ZDHHC7: variants seen among roughly 807,000 people sequenced by gnomAD.
ZDHHC7 encodes the protein palmitoyltransferase ZDHHC7.
A neutral mutation model predicts 34.1 loss-of-function variants in ZDHHC7; 12 were observed. The observed-to-expected ratio is 0.35, with a 90% CI of 0.23 to 0.57. ZDHHC7 has a LOEUF of 0.57. ZDHHC7 is among the 20% of genes least tolerant of loss of function. The pLI, the probability that ZDHHC7 is intolerant of heterozygous loss-of-function variation, is 0.84. For synonymous variants in ZDHHC7, 185 were observed against 155.4 expected (o/e 1.19, Z -1.42); for missense variants, 388 against 402.7 (o/e 0.96, Z 0.31).
intron 3 of ZDHHC7, 44 bp from the exon 4 acceptor site, chr16:84,982,038 T>A (rs1409659385): frequency 6.2e-7 from 1 of 1,611,532 alleles, no homozygotes; most frequent in Non-Finnish European, 8.5e-7. Context: ...AGAATGAAAG[T>A]TAAAAACATC....
intron 1 of ZDHHC7, among the ~76,000 whole-genome samples, chr16:85,008,909 G>A (rs1379697058): frequency 6.6e-6 from 1 of 151,806 alleles, no homozygotes; most frequent in Non-Finnish European, 1.5e-5. Flanking sequence ...GCCAGCCACG[G>A]TGGCTCAGGC....
At chr16:85,018,887 C>T in the ZDHHC7 span, among the ~76,000 whole-genome samples, 4 of 152,134 alleles carry the variant, frequency 2.6e-5, no homozygotes. Flanking sequence ...GTGTTGAGTT[C>T]AACAGCCATG....
chr16:85,010,851 G>T lies in ZDHHC7; in HGVS notation c.-104+435C>A, dbSNP rs368078206. ...AGGAAGATGGGCAGAGAATAAAAGA[G>T]AAAAGTTTACAGCTTAAGAGGAAGA... On this transcript the variant is annotated intron_variant, in intron 1 of 7. Transcript: ENST00000313732. Among the ~76,000 whole-genome samples the T allele has an allele frequency of 1.7e-3, 262 of 152,350 alleles. 2 individuals are homozygous for T. The highest frequency in any genetic ancestry group is 6.0e-3 in the African/African-American group (251 of 41,582).
intron 3 of ZDHHC7, chr16:84,988,882 C>T: frequency 1.9e-6 from 3 of 1,551,530 alleles, no homozygotes; most frequent in Non-Finnish European, 2.6e-6. Context: ...TCCTACAAGG[C>T]AATATTCCAG....
chr16:84,997,965 G>C (rs1412388209), intron 1 of ZDHHC7, among the ~76,000 whole-genome samples: 1 of 148,556 alleles, frequency 6.7e-6, no homozygotes, highest in Non-Finnish European at 1.5e-5. Context: ...AGAAAACACT[G>C]AGAAGAGAAT....
intron 1 of ZDHHC7, among the ~76,000 whole-genome samples, chr16:85,000,596 CG>C (rs1365027446): frequency 6.6e-6 from 1 of 152,168 alleles, no homozygotes; most frequent in Non-Finnish European, 1.5e-5. Context: ...TTAAACTTGT[CG>C]TTGCTTTACT....
intron 1 of ZDHHC7, among the ~76,000 whole-genome samples, chr16:85,010,592 CAAGG>C (rs746330564): frequency 3.3e-5 from 5 of 152,222 alleles, no homozygotes; most frequent in Non-Finnish European, 5.9e-5. Flanking sequence ...AAAGAAGCTA[CAAGG>C]CAGGTAGCCG....
intron 3 of ZDHHC7, among the ~76,000 whole-genome samples, chr16:84,982,292 C>T (rs1449385311): frequency 6.6e-6 from 1 of 150,832 alleles, no homozygotes; most frequent in Non-Finnish European, 1.5e-5. Context: ...TTGCAGTGAG[C>T]CAAGATCGCG....
At chr16:85,000,618 C>T (rs2072640692) in intron 1 of ZDHHC7, among the ~76,000 whole-genome samples, 1 of 152,086 alleles carries the variant, frequency 6.6e-6, no homozygotes, top group African/African-American at 2.4e-5. Context: ...GTTCATACAC[C>T]CACTTCAGCC....
chr16:85,004,920 T>C (rs1024367373), intron 1 of ZDHHC7: 3 of 150,560 alleles, frequency 2.0e-5, no homozygotes, highest in African/African-American at 7.3e-5. Flanking sequence ...ACCCCACCTG[T>C]AGGCAAGTCA....
At chr16:84,979,373 T>C (rs2072337391) in intron 4 of ZDHHC7, 88 bp from the exon 5 acceptor site, 1 of 1,511,698 alleles carries the variant, frequency 6.6e-7, no homozygotes, top group Non-Finnish European at 8.9e-7. Context: ...TGGAGGAAAA[T>C]TAGAATGTAT....
At chr16:85,025,519 C>T in the ZDHHC7 span, among the ~76,000 whole-genome samples, 1 of 152,158 alleles carries the variant, frequency 6.6e-6, no homozygotes, top group Non-Finnish European at 1.5e-5. Flanking sequence ...AGCGATTCTC[C>T]TGTCTCAAGC....
At chr16:84,982,303 C>A (rs2072381123) in intron 3 of ZDHHC7, among the ~76,000 whole-genome samples, 1 of 151,236 alleles carries the variant, frequency 6.6e-6, no homozygotes, top group Non-Finnish European at 1.5e-5. Context: ...CAAGATCGCG[C>A]CGTTGCACTC....
chr16:85,002,427 C>T (rs772350557), intron 1 of ZDHHC7, among the ~76,000 whole-genome samples: 42 of 152,108 alleles, frequency 2.8e-4, no homozygotes, highest in African/African-American at 4.6e-4. Context: ...CAGGCTGTGG[C>T]GAGACAGGCC....
intron 1 of ZDHHC7, among the ~76,000 whole-genome samples, chr16:85,001,238 A>C (rs1047670534): frequency 6.6e-6 from 1 of 152,272 alleles, no homozygotes; most frequent in Admixed American, 6.5e-5. Flanking sequence ...TGGGAGGCCA[A>C]GGTGGGTGGA....
At position 84,977,202 on chromosome 16, in the gene ZDHHC7, T is replaced by C. The variant is rs2072309560; in HGVS notation, c.643A>G (p.Ile215Val). ...WTECSDFSPPITVILLIFLCL... is the reference protein window; with the variant it reads ...WTECSDFSPPVTVILLIFLCL... ...AGGAAGATCAACAGGATTACAGTTA[T>C]CGGAGGTGAAAAATCACTGCATTCT... The change falls in exon 7 of 8, where the codon ATA becomes GTA. Residue 215 changes from isoleucine to valine, a missense_variant. Physicochemically the swap from Ile to Val is conservative, Grantham distance 29. Coordinates refer to ENST00000313732, the MANE Select transcript of ZDHHC7 (RefSeq NM_017740.3). 1 of 1,614,188 alleles carries C rather than the reference T, an allele frequency of 6.2e-7. No individual in the cohort carries two copies. The highest frequency in any genetic ancestry group is 8.5e-7 in the Non-Finnish European group (1 of 1,180,042).
upstream of ZDHHC7, among the ~76,000 whole-genome samples, chr16:85,012,402 CT>C (rs967155496): frequency 6.1e-5 from 9 of 147,700 alleles, no homozygotes; most frequent in African/African-American, 1.5e-4. Context: ...AAAAGCATAT[CT>C]TTTTTTTAAA....
At chr16:84,986,114 A>C (rs2072433551) in intron 3 of ZDHHC7, among the ~76,000 whole-genome samples, 1 of 152,228 alleles carries the variant, frequency 6.6e-6, no homozygotes, top group Non-Finnish European at 1.5e-5. Flanking sequence ...CAAATGAAAC[A>C]AAAGAATGAG....
intron 5 of ZDHHC7, 102 bp from the exon 6 acceptor site, chr16:84,978,107 A>C: frequency 8.4e-6 from 7 of 833,550 alleles, no homozygotes; most frequent in Non-Finnish European, 1.3e-5. Flanking sequence ...GCGTAGTCTC[A>C]GCTCACTGCA....
Sources: gnomAD v4.1 joint callset for allele counts (sites outside exome capture counted in the v4.1 genomes callset) on GRCh38, gnomAD v4.1.1 for gene constraint, MANE v1.5 for transcripts, NCBI Gene and HGNC (gene_info 2026-07-23, HGNC 2026-07-21) for gene names.